Variants in BICRAL observed in about 807,000 individuals in gnomAD.
BICRAL encodes BICRA like chromatin remodeling complex associated protein, also known as BRD4-interacting chromatin-remodeling complex-associated protein-like.
Under a neutral mutation model 91.8 loss-of-function variants are expected in BICRAL, and 8 were observed. The ratio of observed to expected loss-of-function variants is 0.09; its 90% confidence interval spans 0.05 to 0.16. The LOEUF is 0.16. Ranked by LOEUF, BICRAL falls within the 10% of genes least tolerant of loss-of-function variation. The pLI is 1.00. For synonymous variants in BICRAL, 445 were observed against 491.1 expected, an observed-to-expected ratio of 0.91 and a Z score of 1.24; for missense variants, 1,038 against 1,310.9, an observed-to-expected ratio of 0.79 and a Z score of 3.21.
intron 1 of BICRAL, among the ~76,000 whole-genome samples, chr6:42,806,325 C>T (rs1211643165): frequency 6.6e-6 from 1 of 152,106 alleles, no homozygotes; most frequent in East Asian, 1.9e-4. Flanking sequence ...ATCAGAATCT[C>T]CAGGGTTGGG....
At chr6:42,827,773 T>A (rs1016832947) in intron 5 of BICRAL, among the ~76,000 whole-genome samples, 12 of 152,140 alleles carry the variant, frequency 7.9e-5, no homozygotes, top group Non-Finnish European at 1.8e-4. Flanking sequence ...TAGTCCCACC[T>A]ACTCAGGAGG....
chr6:42,817,432 C>T (rs1764024468), intron 2 of BICRAL, among the ~76,000 whole-genome samples: 1 of 151,374 alleles, frequency 6.6e-6, no homozygotes, highest in African/African-American at 2.4e-5. Flanking sequence ...TACCATAAAA[C>T]TCACCCTTTT....
chr6:42,832,420 A>G (rs930371291), intron 6 of BICRAL, among the ~76,000 whole-genome samples: 2 of 147,286 alleles, frequency 1.4e-5, no homozygotes, highest in Non-Finnish European at 3.0e-5. Flanking sequence ...TATATATATA[A>G]TATATTATGT....
chr6:42,853,813 G>T, intron 8 of BICRAL, 75 bp downstream of exon 8: 1 of 1,122,148 alleles, frequency 8.9e-7, no homozygotes, highest in Admixed American at 1.9e-5. Context: ...CTATCTTTGT[G>T]GTTGCTGGCT....
chr6:42,814,191 T>C (rs952844550), intron 2 of BICRAL, among the ~76,000 whole-genome samples: 3 of 147,908 alleles, frequency 2.0e-5, no homozygotes, highest in African/African-American at 7.5e-5. Flanking sequence ...GTAAAGCAAA[T>C]GTCAGTAGTT....
intron 1 of BICRAL, among the ~76,000 whole-genome samples, chr6:42,776,482 G>C (rs1227699360): frequency 6.6e-6 from 1 of 151,882 alleles, no homozygotes; most frequent in Admixed American, 6.6e-5. Context: ...CAAGTAGCTG[G>C]GACCACAGGC....
chr6:42,857,315 A>G, intron 10 of BICRAL, 79 bp downstream of exon 10: 1 of 1,166,788 alleles, frequency 8.6e-7, no homozygotes, highest in Non-Finnish European at 1.2e-6. Flanking sequence ...AGCAAGAGCC[A>G]CATCACCCCC....
intron 2 of BICRAL, among the ~76,000 whole-genome samples, chr6:42,816,164 C>A (rs1158255640): frequency 6.7e-6 from 1 of 149,648 alleles, no homozygotes; most frequent in African/African-American, 2.5e-5. Flanking sequence ...TCGAGACCAG[C>A]ATGGGCAACA....
intron 5 of BICRAL, among the ~76,000 whole-genome samples, chr6:42,825,563 T>C (rs903075400): frequency 6.8e-6 from 1 of 147,900 alleles, no homozygotes; most frequent in African/African-American, 2.5e-5. Flanking sequence ...AGACTCGGTC[T>C]CAAAAAAAAA....
chr6:42,746,775 G>A (rs749389837), upstream of BICRAL, among the ~76,000 whole-genome samples: 4 of 152,128 alleles, frequency 2.6e-5, no homozygotes, highest in Non-Finnish European at 5.9e-5. Context: ...ATCCCCGCAG[G>A]CAGTTACTAG....
intron 6 of BICRAL, among the ~76,000 whole-genome samples, chr6:42,841,183 ATTTT>A (rs70990150): frequency 3.0e-3 from 241 of 80,664 alleles, no homozygotes; most frequent in East Asian, 7.1e-3. Context: ...ACTCTTGAAT[ATTTT>A]TTTTTTTTTT....
At chr6:42,824,585 C>A (rs544965694) in intron 5 of BICRAL, among the ~76,000 whole-genome samples, 4 of 152,172 alleles carry the variant, frequency 2.6e-5, no homozygotes, top group African/African-American at 9.7e-5. Flanking sequence ...CTCAAGTGAT[C>A]CCCGCCCCAT....
At chr6:42,809,153 T>G (rs1486294800) in intron 1 of BICRAL, among the ~76,000 whole-genome samples, 1 of 151,068 alleles carries the variant, frequency 6.6e-6, no homozygotes, top group Non-Finnish European at 1.5e-5. Flanking sequence ...CTGTTCTCAT[T>G]GTTCAACTAC....
intron 1 of BICRAL, among the ~76,000 whole-genome samples, chr6:42,752,755 C>T (rs901695589): frequency 6.6e-6 from 1 of 151,884 alleles, no homozygotes; most frequent in Non-Finnish European, 1.5e-5. Context: ...AGGCACACAC[C>T]ACCATGTGTG....
chr6:42,790,821 T>A (rs929879742), intron 1 of BICRAL, among the ~76,000 whole-genome samples: 2 of 151,788 alleles, frequency 1.3e-5, no homozygotes, highest in Non-Finnish European at 2.9e-5. Context: ...TGATGAATAA[T>A]GTTCTGTATA....
chr6:42,784,792 C>T (rs575825127), intron 1 of BICRAL, among the ~76,000 whole-genome samples: 2 of 152,264 alleles, frequency 1.3e-5, no homozygotes, highest in South Asian at 2.1e-4. Context: ...CCTCTTCCAC[C>T]ATCATTTGCT....
At chr6:42,793,569 G>A (rs567693569) in intron 1 of BICRAL, among the ~76,000 whole-genome samples, 2 of 151,520 alleles carry the variant, frequency 1.3e-5, no homozygotes, top group Non-Finnish European at 1.5e-5. Context: ...GATTACAGGC[G>A]TGAGCCACCG....
At chr6:42,771,266 C>A (rs956533093) in intron 1 of BICRAL, among the ~76,000 whole-genome samples, 1 of 152,254 alleles carries the variant, frequency 6.6e-6, no homozygotes, top group Non-Finnish European at 1.5e-5. Context: ...GACCCCTCCC[C>A]CTGCGGGCCG....
rs762519324 is a variant in BICRAL at position 42,829,768 on chromosome 6, G to C, written c.1435G>C (p.Ala479Pro). ...CCACTTAGTGTCTGGGCAGACATTT[G>C]CTGCCTCTGGAAGTCCAGTGATAGC... ...AVHLVSGQTF[A>P]ASGSPVIANH... Residue 479 changes from alanine (A) to proline (P), a missense_variant, in exon 6 of 13, where the codon GCT becomes CCT. By Grantham distance (27) the Ala-to-Pro change is conservative (BLOSUM62 -1). Around this residue, in one of 5 missense-constraint regions of BICRAL, gnomAD observed 532 missense variants for 724.9 expected, o/e 0.73. Coordinates refer to ENST00000314073, the MANE Select transcript of BICRAL (RefSeq NM_001393499.1). 1 of 1,613,996 alleles carries C rather than the reference G, an allele frequency of 6.2e-7. No individual in the cohort carries two copies. Among genetic ancestry groups the C allele is most frequent in the African/African-American group, 1.3e-5 (1 of 74,936 alleles).
Sources: allele counts gnomAD v4.1 joint callset (sites outside exome capture counted in the v4.1 genomes callset), GRCh38; gene constraint gnomAD v4.1.1; regional missense constraint gnomAD v4.1.1; transcripts MANE v1.5; gene names NCBI Gene and HGNC (gene_info 2026-07-23, HGNC 2026-07-21).